RIPOR2: variants seen among roughly 807,000 people sequenced by gnomAD.
RIPOR2 encodes the protein rho family-interacting cell polarization regulator 2.
A neutral mutation model predicts 114.5 loss-of-function variants in RIPOR2; 39 were observed. The ratio of observed to expected loss-of-function variants is 0.34; its 90% CI spans 0.26 to 0.44. The LOEUF is 0.44. RIPOR2 is among the 20% of genes least tolerant of loss of function. The probability of loss-of-function intolerance (pLI) is 1.00; values close to 1 mark genes in which losing one functional copy is unlikely to be tolerated. For synonymous variants in RIPOR2, 445 were observed against 484.4 expected (o/e 0.92, Z 1.07); for missense variants, 1,007 against 1,255.1 (o/e 0.80, Z 2.99).
intron 1 of RIPOR2, among the ~76,000 whole-genome samples, chr6:25,032,661 G>A (rs576307994): frequency 6.6e-6 from 1 of 152,312 alleles, no homozygotes; most frequent in South Asian, 2.1e-4. Context: ...CATGGCTGGA[G>A]AGTCACAGAC....
At chr6:24,977,040 C>T (rs1413397306) in intron 1 of RIPOR2, 3 of 1,399,878 alleles carry the variant, frequency 2.1e-6, no homozygotes, top group South Asian at 1.2e-5. Context: ...CAGGAGAGCA[C>T]CCCTCCACCC....
chr6:24,807,618 A>G (rs1223525317), intron 21 of RIPOR2, among the ~76,000 whole-genome samples: 2 of 152,168 alleles, frequency 1.3e-5, no homozygotes, highest in Non-Finnish European at 2.9e-5. Flanking sequence ...AAATTGAGTA[A>G]ACTTAAAACT....
At chr6:24,818,470 A>G (rs1759375619) in intron 20 of RIPOR2, 72 bp downstream of exon 20, 1 of 787,344 alleles carries the variant, frequency 1.3e-6, no homozygotes, top group South Asian at 2.3e-5. Flanking sequence ...ATGAAAGAAA[A>G]GCTGTTATAT....
chr6:24,917,357 T>A (rs568490484), intron 1 of RIPOR2, among the ~76,000 whole-genome samples: 5 of 152,336 alleles, frequency 3.3e-5, no homozygotes, highest in African/African-American at 1.2e-4. Flanking sequence ...ATTCGTATAG[T>A]TCTAAACGCC....
chr6:24,954,454 TC>T (rs61322175), intron 1 of RIPOR2, among the ~76,000 whole-genome samples: 12,911 of 68,992 alleles, frequency 0.19, 1,420 homozygotes, highest in African/African-American at 0.33. Context: ...AGTCTCTCTC[TC>T]CTTTTTTTTT....
At chr6:24,961,327 GA>G (rs1220343692) in intron 1 of RIPOR2, among the ~76,000 whole-genome samples, 3 of 152,198 alleles carry the variant, frequency 2.0e-5, no homozygotes, top group African/African-American at 7.2e-5. Flanking sequence ...AACATTGTGT[GA>G]AAAGGGACTG....
At position 24,880,615 on chromosome 6, in the gene RIPOR2, A is replaced by G. The variant is rs901069988; in HGVS notation, c.62-4798T>C. ...GTGAAAAGGAGACAGCTCATAAACA[A>G]GATCATATAACTCTGTTGAGTAATA... On this transcript the variant is annotated intron_variant, in intron 1 of 21. Transcript: ENST00000643898. 5.9e-5 allele frequency among the ~76,000 whole-genome samples: 9 copies of G among 152,248 alleles called. No homozygotes were observed. In the East Asian group the frequency reaches 1.3e-3, roughly 23 times the overall value.
intron 1 of RIPOR2, among the ~76,000 whole-genome samples, chr6:24,896,205 CCA>C (rs142020548): frequency 0.052 from 7,985 of 152,204 alleles, 575 homozygotes; most frequent in African/African-American, 0.16. Context: ...CATGGCAGCA[CCA>C]CTTTATACTG....
At chr6:24,961,013 A>G (rs1029328389) in intron 1 of RIPOR2, among the ~76,000 whole-genome samples, 3 of 152,128 alleles carry the variant, frequency 2.0e-5, no homozygotes, top group Non-Finnish European at 4.4e-5. Flanking sequence ...CCTACTTATC[A>G]CTGAGCAACA....
intron 1 of RIPOR2, among the ~76,000 whole-genome samples, chr6:24,963,805 G>A (rs978285027): frequency 3.3e-5 from 5 of 151,258 alleles, no homozygotes; most frequent in African/African-American, 4.9e-5. Context: ...GTAAAAATAC[G>A]TGTCTTTGAT....
Position 24,858,941 on chromosome 6 carries a change from G to C in RIPOR2, c.715+2032C>G, listed in dbSNP as rs752385899. On this transcript the variant is annotated intron_variant, in intron 8 of 21. Coordinates refer to ENST00000643898, the MANE Select transcript of RIPOR2 (RefSeq NM_001286445.3). The surrounding 1 kb of genome is among the most constrained non-coding windows in gnomAD (Gnocchi z 4.0). The stretch of plus-strand genomic sequence containing the variant: ...CCTTTCCTCCCCATCCCACTCCTAG[G>C]GTGTCTCTGTGCTAGGTTGGAGAGG... Among the ~76,000 whole-genome samples, 1 of 152,134 alleles carries C rather than the reference G, an allele frequency of 6.6e-6. No homozygotes were observed. The highest frequency in any genetic ancestry group is 2.4e-5 in the African/African-American group (1 of 41,394).
rs115299045 is a variant in RIPOR2 at position 24,827,505 on chromosome 6, T to C, written c.2665+632A>G. On this transcript the variant is annotated intron_variant, in intron 18 of 21. Coordinates refer to ENST00000643898, the MANE Select transcript of RIPOR2 (RefSeq NM_001286445.3). ...CATTGGTCAAGGCTCTGTGGATTTATAAAGCACAAACCTGGGAACCAGAAA... is the reference window on the plus strand; with the variant it reads ...CATTGGTCAAGGCTCTGTGGATTTACAAAGCACAAACCTGGGAACCAGAAA... 3.5e-3 allele frequency among the ~76,000 whole-genome samples: 539 copies of C among 152,328 alleles called. 2 individuals carry two copies. Among genetic ancestry groups the C allele is most frequent in the African/African-American group, 0.012 (501 of 41,568 alleles).
chr6:24,967,014 A>T (rs550216618), intron 1 of RIPOR2, among the ~76,000 whole-genome samples: 1 of 152,306 alleles, frequency 6.6e-6, no homozygotes, highest in Non-Finnish European at 1.5e-5. Flanking sequence ...GGCAGTGCGG[A>T]CACGGACAGA....
At chr6:24,835,948 G>C in intron 14 of RIPOR2, 77 bp from the exon 15 acceptor site, 1 of 1,401,522 alleles carries the variant, frequency 7.1e-7, no homozygotes, top group Admixed American at 2.0e-5. Context: ...GGTTTGCATC[G>C]GGCCCCAACA....
At chr6:24,955,857 AT>A (rs757428610) in intron 1 of RIPOR2, among the ~76,000 whole-genome samples, 5 of 151,924 alleles carry the variant, frequency 3.3e-5, no homozygotes, top group South Asian at 4.2e-4. Context: ...ATACAAAAAA[AT>A]ATTAGCCAGG....
intron 17 of RIPOR2, 36 bp from the exon 18 acceptor site, chr6:24,828,331 T>C (rs1760364653): frequency 1.4e-6 from 2 of 1,416,524 alleles, no homozygotes; most frequent in South Asian, 1.4e-5. Context: ...CAGCTTTAGA[T>C]AGATGACCAT....
chr6:24,944,562 A>G (rs578188254), intron 1 of RIPOR2, among the ~76,000 whole-genome samples: 11 of 152,354 alleles, frequency 7.2e-5, no homozygotes, highest in African/African-American at 2.2e-4. Flanking sequence ...ATTATGAAAC[A>G]TGCAAAGAAG....
chr6:24,895,206 C>T, intron 1 of RIPOR2, among the ~76,000 whole-genome samples: 1 of 152,176 alleles, frequency 6.6e-6, no homozygotes, highest in East Asian at 1.9e-4. Flanking sequence ...GCACACCCCA[C>T]CATGCCCGGC....
At chr6:25,034,876 C>T (rs1777167492) in intron 1 of RIPOR2, among the ~76,000 whole-genome samples, 2 of 152,154 alleles carry the variant, frequency 1.3e-5, no homozygotes, top group African/African-American at 2.4e-5. Flanking sequence ...AAGTACCTTC[C>T]ATTCTCCAGT....
Sources: gnomAD v4.1 joint callset for allele counts (sites outside exome capture counted in the v4.1 genomes callset) on GRCh38, gnomAD v4.1.1 for gene constraint, Gnocchi (gnomAD v3.1) non-coding constraint, MANE v1.5 for transcripts, NCBI Gene and HGNC (gene_info 2026-07-23, HGNC 2026-07-21) for gene names.